Variants in MID1 observed in about 807,000 individuals in gnomAD.
MID1 encodes midline 1.
A neutral mutation model predicts 40.4 loss-of-function variants in MID1; 7 were observed. The observed-to-expected ratio is 0.17, with a 90% CI of 0.10 to 0.33. The LOEUF (loss-of-function observed/expected upper bound fraction) is 0.33, where lower values mean the gene tolerates loss of function less well. MID1 is among the 10% of genes least tolerant of loss of function. The probability of loss-of-function intolerance (pLI) is 1.00; values close to 1 mark genes in which losing one functional copy is unlikely to be tolerated. For synonymous variants in MID1, 229 were observed against 221.2 expected (o/e 1.04, Z -0.31); for missense variants, 367 against 558.5 (o/e 0.66, Z 3.46).
chrX:10,709,988 T>A (rs1216383783), intron 1 of MID1, among the ~76,000 whole-genome samples: 1 of 111,976 alleles, frequency 8.9e-6, no homozygotes, highest in Admixed American at 9.5e-5. Context: ...ATTATTCACT[T>A]CTAAATGAGA....
chrX:10,559,009 G>A lies in MID1; in HGVS notation c.660+7879C>T, dbSNP rs1042797299. On this transcript the variant is annotated intron_variant, in intron 2 of 9. Transcript: ENST00000317552. ...CTCATCCAGAAAATAGACAGGTGAG[G>A]AGGAGGAAAAGGAAGCTGCCTTGAG... Among the ~76,000 whole-genome samples, 10 of 112,175 alleles carry A rather than the reference G, an allele frequency of 8.9e-5. No individual in the cohort carries two copies. In the East Asian group the frequency reaches 2.5e-3, roughly 28 times the overall value.
At chrX:10,472,672 TAAAC>T (rs1426342802) in intron 6 of MID1, among the ~76,000 whole-genome samples, 2 of 112,506 alleles carry the variant, frequency 1.8e-5, no homozygotes, top group Non-Finnish European at 1.9e-5. Context: ...GTTTTTCTGA[TAAAC>T]AAACTTCACT....
chrX:10,521,398 A>G (rs1266930103), intron 3 of MID1, among the ~76,000 whole-genome samples: 1 of 111,435 alleles, frequency 9.0e-6, no homozygotes, highest in Non-Finnish European at 1.9e-5. Flanking sequence ...GGAACCAGAG[A>G]AACGTTCACA....
At position 10,482,588 on chromosome X, in the gene MID1, C is replaced by T; in HGVS notation, c.905G>A (p.Cys302Tyr). The T allele has an allele frequency of 8.3e-7, 1 of 1,210,872 alleles. No individual in the cohort carries two copies. Among genetic ancestry groups the T allele is most frequent in the East Asian group, 3.0e-5 (1 of 33,848 alleles). ...LRKLAQQIAN[C>Y]KQCIERSASL... ...TGCTGACCGCTCAATGCACTGTTTG[C>T]AGTTTGCAATCTGCTGAGCCAGTTT... is the stretch of plus-strand genomic sequence containing the variant. Residue 302 changes from cysteine (C) to tyrosine (Y), a missense_variant, in exon 5 of 10, where the codon TGC (cysteine) becomes TAC (tyrosine). Around this residue, in one of 3 missense-constraint regions of MID1, gnomAD observed 275 missense variants for 383.1 expected, o/e 0.72. Transcript: ENST00000317552.
intron 7 of MID1, among the ~76,000 whole-genome samples, chrX:10,468,446 T>G (rs1370455405): frequency 1.8e-5 from 2 of 112,663 alleles, no homozygotes; most frequent in African/African-American, 6.4e-5. Context: ...AGAGAAAAGG[T>G]TTATATAATA....
chrX:10,578,298 T>C (rs1934924608), intron 1 of MID1, among the ~76,000 whole-genome samples: 1 of 112,850 alleles, frequency 8.9e-6, no homozygotes, highest in Non-Finnish European at 1.9e-5. Context: ...AGTAGAATTC[T>C]AAAGAACTTT....
chrX:10,672,653 A>G lies in MID1; in HGVS notation c.-186-52234T>C, dbSNP rs769485062. Among the ~76,000 whole-genome samples, 3 of 111,354 alleles carry G rather than the reference A, an allele frequency of 2.7e-5. No homozygotes were observed. In the South Asian group the frequency reaches 1.2e-3, roughly 43 times the overall value. On this transcript the variant is annotated intron_variant, in intron 1 of 10. Coordinates refer to the MID1 transcript ENST00000380785. ...AGGCCTGCTGATACCTTGATTTTAG[A>G]TCCATTTTGTGCTTCAGACCTCCAG...
At chrX:10,820,411 T>C (rs1056116573) in intron 1 of MID1, among the ~76,000 whole-genome samples, 1 of 111,953 alleles carries the variant, frequency 8.9e-6, no homozygotes, top group East Asian at 2.8e-4. Context: ...ACAACACATT[T>C]TGCAGCAGGC....
At chrX:10,737,638 CAAAG>C (rs2043496135) in intron 1 of MID1, among the ~76,000 whole-genome samples, 1 of 95,135 alleles carries the variant, frequency 1.1e-5, no homozygotes, top group Non-Finnish European at 2.1e-5. Flanking sequence ...GGGGAGAGGA[CAAAG>C]AAAGAAAGCA....
At chrX:10,455,676 T>G (rs1350232211) in intron 8 of MID1, among the ~76,000 whole-genome samples, 1 of 112,119 alleles carries the variant, frequency 8.9e-6, no homozygotes, top group African/African-American at 3.2e-5. Flanking sequence ...TATAGAATAT[T>G]CTAGAGGTTT....
chrX:10,630,201 A>C (rs1157815885), intron 1 of MID1, among the ~76,000 whole-genome samples: 2 of 112,014 alleles, frequency 1.8e-5, no homozygotes, highest in Non-Finnish European at 3.8e-5. Flanking sequence ...GTGAAGGGAG[A>C]TAGACAAACA....
chrX:10,540,815 C>T (rs1933439817), intron 2 of MID1, among the ~76,000 whole-genome samples: 1 of 112,051 alleles, frequency 8.9e-6, no homozygotes, highest in Admixed American at 9.4e-5. Flanking sequence ...CCATTGGATT[C>T]AAAGCACCGA....
At chrX:10,731,829 G>A (rs955231831) in intron 1 of MID1, among the ~76,000 whole-genome samples, 1 of 108,633 alleles carries the variant, frequency 9.2e-6, no homozygotes. Flanking sequence ...GCTTGGTGGC[G>A]CATGCCTGTA....
intron 1 of MID1, among the ~76,000 whole-genome samples, chrX:10,776,838 T>G (rs1340809384): frequency 4.5e-5 from 5 of 112,096 alleles, no homozygotes; most frequent in Non-Finnish European, 7.5e-5. Context: ...TTAAATGAGT[T>G]AAGTTTTCCA....
chrX:10,521,128 C>T (rs1185987310), intron 3 of MID1, among the ~76,000 whole-genome samples: 9 of 48,991 alleles, frequency 1.8e-4, no homozygotes, highest in Non-Finnish European at 3.0e-4. Flanking sequence ...GGGAGGGGGG[C>T]GGGCGGTGGG....
At chrX:10,774,722 C>T (rs1213297909) in intron 1 of MID1, among the ~76,000 whole-genome samples, 1 of 111,165 alleles carries the variant, frequency 9.0e-6, no homozygotes, top group African/African-American at 3.3e-5. Flanking sequence ...ATCAGGAATA[C>T]TTTCTAAAAT....
rs184176815 is a variant in MID1, at chrX:10,588,633, C to G, written c.-56-21030G>C. 4.0e-4 allele frequency among the ~76,000 whole-genome samples: 44 copies of G among 109,900 alleles called. No individual in the cohort carries two copies. The East Asian group carries it at 0.012, about 30-fold the overall frequency. On this transcript the variant is annotated intron_variant, in intron 1 of 9. Transcript: ENST00000317552. ...TCTTTGACTTTCTGTCTCTCTGTCT[C>G]TCTCTGACTTTCCTTTTGCCTCTGT... is the stretch of plus-strand genomic sequence containing the variant.
chrX:10,482,535 G>C lies in MID1; in HGVS notation c.958C>G (p.Leu320Val). The C allele has an allele frequency of 8.3e-7, 1 of 1,210,933 alleles. No individual in the cohort carries two copies. The highest frequency in any genetic ancestry group is 1.7e-5 in the African/African-American group (1 of 57,856). Reference sequence around the variant, plus strand: ...AAACGCGCATGATCATTCTCCTTCAGAGAGTGTTCCGCTTGGGAGATGAGT... The same window carrying C: ...AAACGCGCATGATCATTCTCCTTCACAGAGTGTTCCGCTTGGGAGATGAGT... ...ASLISQAEHS[L>V]KENDHARFLQ... is the part of the protein sequence containing the mutation. Residue 320 changes from leucine (L) to valine (V), a missense_variant, in exon 5 of 10, where the codon CTG becomes GTG. Transcript: ENST00000317552.
chrX:10,572,185 AAT>A (rs1934751314), intron 1 of MID1, among the ~76,000 whole-genome samples: 1 of 86,210 alleles, frequency 1.2e-5, no homozygotes, highest in South Asian at 5.4e-4. Context: ...ATATGTATCT[AAT>A]ACACACACAC....
Sources: allele counts gnomAD v4.1 joint callset (sites outside exome capture counted in the v4.1 genomes callset), GRCh38; gene constraint gnomAD v4.1.1; regional missense constraint gnomAD v4.1.1; transcripts MANE v1.5; gene names NCBI Gene and HGNC (gene_info 2026-07-23, HGNC 2026-07-21).